The following IL1RAPL1 variants were observed in gnomAD, a reference collection of about 807,000 sequenced individuals.
The protein encoded by IL1RAPL1 is interleukin 1 receptor accessory protein like 1, also known as interleukin-1 receptor accessory protein-like 1.
IL1RAPL1 carries 3 observed loss-of-function variants against 48.4 expected under a neutral mutation model. The ratio of observed to expected loss-of-function variants is 0.06; its 90% CI spans 0.03 to 0.16. The LOEUF (loss-of-function observed/expected upper bound fraction) is 0.16, where lower values mean the gene tolerates loss of function less well. IL1RAPL1 is among the 10% of genes least tolerant of loss of function. The pLI is 1.00. For missense variants in IL1RAPL1, 349 were observed against 530.6 expected (o/e 0.66, Z 3.36); for synonymous variants, 185 against 187.7 (o/e 0.99, Z 0.12).
intron 5 of IL1RAPL1, among the ~76,000 whole-genome samples, chrX:29,457,756 T>C (rs1450792172): frequency 8.9e-6 from 1 of 112,432 alleles, no homozygotes; most frequent in Admixed American, 9.4e-5. Context: ...TTTTACATTC[T>C]TTGAGAAATC....
At chrX:29,827,741 T>G (rs765198824) in intron 6 of IL1RAPL1, among the ~76,000 whole-genome samples, 1 of 112,850 alleles carries the variant, frequency 8.9e-6, no homozygotes, top group Non-Finnish European at 1.9e-5. Context: ...CCACTCTGTG[T>G]CTCAGATTCC....
chrX:29,332,695 A>C (rs1403446908), intron 3 of IL1RAPL1, among the ~76,000 whole-genome samples: 5 of 102,345 alleles, frequency 4.9e-5, no homozygotes, highest in Non-Finnish European at 9.9e-5. Context: ...TTTCTCGCAG[A>C]GGGGGATTTG....
chrX:29,072,377 A>G (rs1008400815), intron 2 of IL1RAPL1, among the ~76,000 whole-genome samples: 1 of 112,137 alleles, frequency 8.9e-6, no homozygotes, highest in Non-Finnish European at 1.9e-5. Flanking sequence ...ATAATATTTT[A>G]TTCTCAGAAA....
chrX:29,323,783 A>C (rs1423218429), intron 3 of IL1RAPL1, among the ~76,000 whole-genome samples: 4 of 56,494 alleles, frequency 7.1e-5, no homozygotes, highest in Non-Finnish European at 9.2e-5. Context: ...ATATATATAT[A>C]TCCCCTTCTT....
chrX:28,659,269 GA>G, intron 1 of IL1RAPL1: 1 of 576,714 alleles, frequency 1.7e-6, no homozygotes, highest in Admixed American at 2.4e-5. Context: ...CCAAACGCTG[GA>G]CGGGAAGTTT....
rs373296295 is a variant in IL1RAPL1 at position 29,556,746 on chromosome X, G to C, written c.704-111684G>C. 8.1e-5 allele frequency among the ~76,000 whole-genome samples: 9 copies of C among 111,492 alleles called. No homozygotes were observed. In the South Asian group the frequency reaches 1.9e-3, roughly 23 times the overall value. On this transcript the variant is annotated intron_variant, in intron 5 of 10. Transcript: ENST00000378993. The stretch of plus-strand genomic sequence containing the variant: ...GAACAACTTTTTGAAAAGTGTAATA[G>C]GTTTGAGAAAAATGGCTTAATTTAA...
chrX:28,873,542 T>G (rs1418921008), intron 2 of IL1RAPL1, among the ~76,000 whole-genome samples: 1 of 86,837 alleles, frequency 1.2e-5, no homozygotes, highest in Admixed American at 1.3e-4. Context: ...TTTTTTTTTT[T>G]TTTTTTTGAG....
intron 5 of IL1RAPL1, among the ~76,000 whole-genome samples, chrX:29,521,422 T>A (rs1443762507): frequency 8.9e-6 from 1 of 112,011 alleles, no homozygotes; most frequent in African/African-American, 3.2e-5. Context: ...TGTTATATGA[T>A]CTCACCACTA....
At chrX:29,014,964 AG>A (rs1212846888) in intron 2 of IL1RAPL1, among the ~76,000 whole-genome samples, 1 of 111,480 alleles carries the variant, frequency 9.0e-6, no homozygotes, top group East Asian at 2.8e-4. Context: ...TTCATGAATA[AG>A]TAATCTTTCT....
chrX:29,156,041 A>G (rs1007154066), intron 2 of IL1RAPL1, among the ~76,000 whole-genome samples: 1 of 111,280 alleles, frequency 9.0e-6, no homozygotes, highest in African/African-American at 3.3e-5. Context: ...TATTTATTGC[A>G]TCTACCCTCT....
intron 2 of IL1RAPL1, among the ~76,000 whole-genome samples, chrX:29,054,029 G>A (rs181584670): frequency 1.8e-5 from 2 of 111,377 alleles, no homozygotes; most frequent in East Asian, 2.8e-4. Context: ...CATTATGTAT[G>A]TATACCACAT....
At chrX:29,903,159 C>CGTGT (rs751071711) in intron 6 of IL1RAPL1, among the ~76,000 whole-genome samples, 4,398 of 99,551 alleles carry the variant, frequency 0.044, 122 homozygotes, top group Admixed American at 0.12. Context: ...CATTTGTCTC[C>CGTGT]GTGTGTGTGT....
At chrX:29,078,964 T>A (rs1308315921) in intron 2 of IL1RAPL1, among the ~76,000 whole-genome samples, 1 of 112,320 alleles carries the variant, frequency 8.9e-6, no homozygotes, top group Non-Finnish European at 1.9e-5. Flanking sequence ...ATTTAAAATA[T>A]ATTTTTATAA....
chrX:29,820,611 G>T lies in IL1RAPL1; in HGVS notation c.779-96853G>T, dbSNP rs1930591069. Among the ~76,000 whole-genome samples, 3 of 111,831 alleles carry T rather than the reference G, an allele frequency of 2.7e-5. No individual in the cohort carries two copies. The Admixed American group carries it at 2.9e-4, about 11-fold the overall frequency. On this transcript the variant is annotated intron_variant, in intron 6 of 10. Transcript: ENST00000378993. Reference sequence around the variant, plus strand: ...ACCAAGAATTGTTAAGAGGAAAATGGGAAGGATTCTGAGCTCCAAACTACA... The same window carrying T: ...ACCAAGAATTGTTAAGAGGAAAATGTGAAGGATTCTGAGCTCCAAACTACA...
intron 6 of IL1RAPL1, among the ~76,000 whole-genome samples, chrX:29,805,616 C>T (rs760375804): frequency 2.2e-4 from 24 of 111,202 alleles, no homozygotes; most frequent in Non-Finnish European, 3.8e-4. Context: ...AAATATTTTC[C>T]GGAAAGTTCA....
chrX:29,407,709 C>G (rs892330498), intron 5 of IL1RAPL1, among the ~76,000 whole-genome samples: 1 of 111,744 alleles, frequency 8.9e-6, no homozygotes, highest in African/African-American at 3.2e-5. Flanking sequence ...AATTTACTAA[C>G]TATTGTTTGG....
chrX:29,324,102 C>T (rs900674997), intron 3 of IL1RAPL1, among the ~76,000 whole-genome samples: 12 of 109,523 alleles, frequency 1.1e-4, no homozygotes, highest in Non-Finnish European at 2.3e-4. Flanking sequence ...TACCTTTTAA[C>T]GTGTGTATAA....
intron 6 of IL1RAPL1, among the ~76,000 whole-genome samples, chrX:29,890,697 T>G (rs1418228526): frequency 5.4e-5 from 6 of 112,009 alleles, no homozygotes; most frequent in Non-Finnish European, 1.1e-4. Flanking sequence ...TATCTCAACT[T>G]TACTTTGTTT....
intron 6 of IL1RAPL1, among the ~76,000 whole-genome samples, chrX:29,850,847 C>T (rs762939365): frequency 7.1e-5 from 8 of 112,192 alleles, no homozygotes; most frequent in African/African-American, 2.6e-4. Flanking sequence ...TAGTTGTTCC[C>T]ACAATAACTT....
Sources: allele counts gnomAD v4.1 joint callset (sites outside exome capture counted in the v4.1 genomes callset), GRCh38; gene constraint gnomAD v4.1.1; transcripts MANE v1.5; gene names NCBI Gene and HGNC (gene_info 2026-07-23, HGNC 2026-07-21).